MGAT4D: variants seen among roughly 807,000 people sequenced by gnomAD.
The protein encoded by MGAT4D is alpha-1,3-mannosyl-glycoprotein 4-beta-N-acetylglucosaminyltransferase-like protein MGAT4D.
A neutral mutation model predicts 15.9 loss-of-function variants in MGAT4D; 34 were observed. That is an observed-to-expected ratio of 2.14 (90% CI 1.62 to 2.84). The LOEUF (loss-of-function observed/expected upper bound fraction) is 2.84, where lower values mean the gene tolerates loss of function less well. MGAT4D is among the 30% of genes most tolerant of loss of function. MGAT4D has a pLI of 0.00. For synonymous variants in MGAT4D, 112 were observed against 48.2 expected (o/e 2.33, Z -5.49); for missense variants, 327 against 140.2 (o/e 2.33, Z -6.73).
intron 9 of MGAT4D, among the ~76,000 whole-genome samples, chr4:140,453,052 C>T (rs1578641335): frequency 2.0e-5 from 3 of 152,140 alleles, no homozygotes; most frequent in East Asian, 3.9e-4. Context: ...AATATCAGTT[C>T]GTTATATTTT....
At chr4:140,476,799 G>C (rs1732365046) in intron 3 of MGAT4D, among the ~76,000 whole-genome samples, 1 of 151,936 alleles carries the variant, frequency 6.6e-6, no homozygotes, top group Non-Finnish European at 1.5e-5. Context: ...TAGTCATTTT[G>C]ATCACAAATT....
At chr4:140,456,823 C>A in intron 8 of MGAT4D, 104 bp from the exon 9 acceptor site, 2 of 506,768 alleles carry the variant, frequency 3.9e-6, no homozygotes, top group Non-Finnish European at 7.0e-6. Context: ...ATGTCCCATT[C>A]CTTAGAAATA....
chr4:140,449,122 A>G (rs534160970), intron 10 of MGAT4D, among the ~76,000 whole-genome samples: 4 of 152,332 alleles, frequency 2.6e-5, no homozygotes, highest in Non-Finnish European at 5.9e-5. Flanking sequence ...AATCATAGAA[A>G]TACACACGAT....
In MGAT4D at chr4:140,459,562, A is replaced by C; in HGVS notation, c.827T>G (p.Ile276Ser). 3.7e-6 allele frequency: 2 copies of C among 535,720 alleles called. No homozygotes were observed. The highest frequency in any genetic ancestry group is 6.6e-6 in the Non-Finnish European group (2 of 302,468). The allele number at this position is 535,720 out of a possible 1,614,324, so 33.2% of individuals were successfully genotyped here. A position where few individuals can be genotyped will look rare whatever the true frequency, so the allele number is the denominator to read the frequency against. The change falls in exon 8 of 11, where the codon ATC becomes AGC. Residue 276 changes from isoleucine to serine, a missense_variant. Physicochemically the swap from Ile to Ser is moderately radical, Grantham distance 142. Transcript: ENST00000511113. ...AATAAAAAACCAATTATTTGAACTG[A>C]TATTACCTACAAAATCTGTTATTTT... ...FTKITDFVGN[I>S]SSNNWFFIEF...
intron 10 of MGAT4D, among the ~76,000 whole-genome samples, chr4:140,450,864 C>G (rs1730427440): frequency 6.6e-6 from 1 of 152,106 alleles, no homozygotes; most frequent in African/African-American, 2.4e-5. Flanking sequence ...AAACTAGGTG[C>G]TTTGACCTTG....
intron 10 of MGAT4D, among the ~76,000 whole-genome samples, chr4:140,449,635 C>G (rs2126673707): frequency 6.6e-6 from 1 of 152,246 alleles, no homozygotes; most frequent in South Asian, 2.1e-4. Flanking sequence ...TGGTGGCCAC[C>G]TGTAGTCCCA....
At position 140,489,410 on chromosome 4, in the gene MGAT4D, A is replaced by G. The variant is rs187655371; in HGVS notation, c.95-6925T>C. Among the ~76,000 whole-genome samples the G allele has an allele frequency of 4.9e-4, 75 of 152,278 alleles. 1 individual carries two copies. In the East Asian group the frequency reaches 0.012, roughly 24 times the overall value. Reference sequence around the variant, plus strand: ...AAGCGTATATAAGACAGTTTAAAGGATAATAATAAAAATGAACATCCATGA... The same window carrying G: ...AAGCGTATATAAGACAGTTTAAAGGGTAATAATAAAAATGAACATCCATGA... On this transcript the variant is annotated intron_variant, in intron 1 of 10. Transcript: ENST00000511113.
rs529070195 is a variant in MGAT4D, at chr4:140,491,769, A to G, written c.94+6360T>C. Among the ~76,000 whole-genome samples the G allele has an allele frequency of 5.3e-5, 8 of 152,130 alleles. No homozygotes were observed. In the South Asian group the frequency reaches 1.7e-3, roughly 32 times the overall value. On this transcript the variant is annotated intron_variant, in intron 1 of 10. Transcript: ENST00000511113. ...AGAAGCAGCCACAAACTACCCCTAC[A>G]AGAGCATCAGATATCTGCCACATCC...
chr4:140,462,892 G>A lies in MGAT4D; in HGVS notation c.687-888C>T, dbSNP rs569755714. ...GTGCCTGGAGACTCACATTGTGAAC[G>A]TTTGCTTCAAGAAACACTGCAGCAA... On this transcript the variant is annotated intron_variant, in intron 6 of 10. Coordinates refer to ENST00000511113, the MANE Select transcript of MGAT4D (RefSeq NM_001277353.2). Among the ~76,000 whole-genome samples, 1,267 of 152,202 alleles carry A rather than the reference G, an allele frequency of 8.3e-3. 19 individuals are homozygous for A. Among genetic ancestry groups the A allele is most frequent in the African/African-American group, 0.029 (1,186 of 41,518 alleles).
intron 7 of MGAT4D, among the ~76,000 whole-genome samples, chr4:140,460,246 CAA>C (rs1731086275): frequency 6.6e-6 from 1 of 152,158 alleles, no homozygotes; most frequent in Non-Finnish European, 1.5e-5. Flanking sequence ...GCTGTTATAA[CAA>C]AATACCATAG....
intron 1 of MGAT4D, among the ~76,000 whole-genome samples, chr4:140,493,342 T>C (rs143692315): frequency 3.3e-5 from 5 of 149,620 alleles, no homozygotes; most frequent in South Asian, 2.1e-4. Flanking sequence ...GTCACCCAGG[T>C]TGGAGTGCAG....
Position 140,479,491 on chromosome 4 carries a change from AC to A in MGAT4D, c.389del (p.Gly130ValfsTer19). 1 of 482,506 alleles carries A rather than the reference AC, an allele frequency of 2.1e-6. No individual in the cohort carries two copies. Among genetic ancestry groups the A allele is most frequent in the Non-Finnish European group, 3.7e-6 (1 of 272,890 alleles). 29.9% of individuals were successfully genotyped at this position (482,506 alleles called of 1,614,324 possible). ...PDVIIGKGKT[G>X]VSFALGISTV... ...TTTTCCAATTCTAAGTTTTCTTACC[AC>A]CAGTTTTCCCTTTGCCAATGATTAC... On this transcript the variant is annotated frameshift_variant and splice_region_variant, in exon 3 of 11. Coordinates refer to ENST00000511113, the MANE Select transcript of MGAT4D (RefSeq NM_001277353.2). LOFTEE classifies it high-confidence loss of function.
intron 1 of MGAT4D, among the ~76,000 whole-genome samples, chr4:140,492,988 T>C (rs543085582): frequency 1.3e-4 from 20 of 152,306 alleles, no homozygotes; most frequent in African/African-American, 4.6e-4. Flanking sequence ...AAAAATACAT[T>C]CTTATTGTTT....
At chr4:140,476,599 G>T (rs901923613) in intron 3 of MGAT4D, among the ~76,000 whole-genome samples, 1 of 152,106 alleles carries the variant, frequency 6.6e-6, no homozygotes, top group Non-Finnish European at 1.5e-5. Flanking sequence ...GCATTTACAA[G>T]AATTTAAAAG....
chr4:140,459,797 TCC>T (rs1166775386), intron 7 of MGAT4D, among the ~76,000 whole-genome samples, 171 bp from the exon 8 acceptor site: 1 of 147,928 alleles, frequency 6.8e-6, no homozygotes, highest in Non-Finnish European at 1.5e-5. Flanking sequence ...TTAGTTGATT[TCC>T]TTTTTTTTTT....
intron 1 of MGAT4D, among the ~76,000 whole-genome samples, chr4:140,490,899 C>A (rs1451196263): frequency 1.3e-5 from 2 of 152,020 alleles, no homozygotes; most frequent in Admixed American, 1.3e-4. Context: ...ATTTTAATTT[C>A]TTTTTTGGGA....
At chr4:140,487,043 T>A (rs764201151) in intron 1 of MGAT4D, among the ~76,000 whole-genome samples, 11 of 152,180 alleles carry the variant, frequency 7.2e-5, no homozygotes, top group Non-Finnish European at 1.6e-4. Context: ...AAGAAAGAGT[T>A]TTCTCCAGAG....
intron 1 of MGAT4D, among the ~76,000 whole-genome samples, 161 bp downstream of exon 1, chr4:140,497,968 C>A (rs1445897942): frequency 1.3e-5 from 2 of 152,134 alleles, no homozygotes; most frequent in Non-Finnish European, 2.9e-5. Context: ...GTAGGCGCGG[C>A]CTCGGGAAGG....
chr4:140,459,668 T>G (rs1488915020), intron 7 of MGAT4D, 42 bp from the exon 8 acceptor site: 1 of 395,638 alleles, frequency 2.5e-6, no homozygotes, highest in African/African-American at 2.1e-5. Flanking sequence ...TCTTTGACGC[T>G]TCCATTGAGT....
Sources: allele counts gnomAD v4.1 joint callset (sites outside exome capture counted in the v4.1 genomes callset), GRCh38; gene constraint gnomAD v4.1.1; transcripts MANE v1.5; gene names NCBI Gene and HGNC (gene_info 2026-07-23, HGNC 2026-07-21).